ADAMTS20: variants seen among roughly 807,000 people sequenced by gnomAD.
The protein encoded by ADAMTS20 is ADAM metallopeptidase with thrombospondin type 1 motif 20.
In ADAMTS20, 225 loss-of-function variants were observed where a neutral mutation model predicts 260.1. The observed-to-expected ratio is 0.87, with a 90% confidence interval of 0.78 to 0.97. ADAMTS20 has a LOEUF of 0.97. Ranked by LOEUF, ADAMTS20 falls within the 50% of genes least tolerant of loss-of-function variation. ADAMTS20 has a pLI of 0.00. For missense variants in ADAMTS20, 2,400 were observed against 2,337.7 expected, an observed-to-expected ratio of 1.03 and a Z score of -0.55; for synonymous variants, 802 against 769.5, an observed-to-expected ratio of 1.04 and a Z score of -0.70.
intron 29 of ADAMTS20, among the ~76,000 whole-genome samples, chr12:43,398,516 A>G (rs572698476): frequency 6.6e-6 from 1 of 152,246 alleles, no homozygotes; most frequent in African/African-American, 2.4e-5. Context: ...TCGGATTACA[A>G]TCCCATCTGG....
At chr12:43,435,565 C>G (rs1941535482) in intron 18 of ADAMTS20, among the ~76,000 whole-genome samples, 1 of 147,400 alleles carries the variant, frequency 6.8e-6, no homozygotes, top group South Asian at 2.1e-4. Context: ...TGGGTGAACC[C>G]AGGAGGCAGA....
chr12:43,495,785 A>G (rs941585434), intron 4 of ADAMTS20, among the ~76,000 whole-genome samples: 1 of 152,206 alleles, frequency 6.6e-6, no homozygotes, highest in African/African-American at 2.4e-5. Flanking sequence ...TACTTCCCCC[A>G]AAGAAAGTGA....
At chr12:43,519,608 C>T (rs1943044741) in intron 3 of ADAMTS20, among the ~76,000 whole-genome samples, 1 of 152,096 alleles carries the variant, frequency 6.6e-6, no homozygotes, top group African/African-American at 2.4e-5. Context: ...TAACGTGGAG[C>T]ATGAAAAACT....
In ADAMTS20 at chr12:43,446,750, CTAAT is replaced by C. The variant is rs766149954; in HGVS notation, c.2080-42_2080-39del. The C allele has an allele frequency of 2.3e-5, 35 of 1,511,440 alleles. 2 individuals are homozygous for C. In the South Asian group the frequency reaches 3.9e-4, roughly 17 times the overall value. The allele number at this position is 1,511,440 out of a possible 1,614,324, so 93.6% of individuals were successfully genotyped here. ...ATTACAATCAATATTATAAGAATGA[CTAAT>C]TATGAAGAAAAGAGAGAAGATCCAA... On this transcript the variant is annotated intron_variant, in intron 14 of 38. Coordinates refer to ENST00000389420, the MANE Select transcript of ADAMTS20 (RefSeq NM_025003.5).
At chr12:43,484,379 A>G (rs2137418304) in intron 7 of ADAMTS20, among the ~76,000 whole-genome samples, 1 of 152,306 alleles carries the variant, frequency 6.6e-6, no homozygotes, top group Non-Finnish European at 1.5e-5. Context: ...TTGATTATTA[A>G]GTAACTCAAG....
intron 2 of ADAMTS20, among the ~76,000 whole-genome samples, chr12:43,534,220 C>A (rs938746554): frequency 3.5e-5 from 5 of 142,728 alleles, no homozygotes; most frequent in Non-Finnish European, 7.6e-5. Flanking sequence ...ATTTTCGCAA[C>A]CTACTCATCT....
chr12:43,477,366 G>A (rs1343304432), intron 7 of ADAMTS20, among the ~76,000 whole-genome samples: 2 of 152,144 alleles, frequency 1.3e-5, no homozygotes, highest in African/African-American at 2.4e-5. Flanking sequence ...AATATATTCA[G>A]TAGATTCTTA....
At chr12:43,456,563 G>A (rs1777601826) in intron 11 of ADAMTS20, among the ~76,000 whole-genome samples, 2 of 152,136 alleles carry the variant, frequency 1.3e-5, no homozygotes, top group South Asian at 4.1e-4. Flanking sequence ...GTGCTGCAAA[G>A]AAATAGCACT....
intron 29 of ADAMTS20, among the ~76,000 whole-genome samples, chr12:43,395,299 G>A (rs925629806): frequency 1.3e-5 from 2 of 151,478 alleles, no homozygotes; most frequent in African/African-American, 4.9e-5. Flanking sequence ...GGAGCTTTAG[G>A]GACTTAAAAA....
intron 3 of ADAMTS20, among the ~76,000 whole-genome samples, chr12:43,518,042 C>T (rs1943022395): frequency 1.3e-5 from 2 of 151,870 alleles, no homozygotes; most frequent in African/African-American, 2.4e-5. Context: ...ATTGATAAAT[C>T]AAGTTCTTAT....
At chr12:43,484,933 C>T (rs1303025528) in intron 7 of ADAMTS20, among the ~76,000 whole-genome samples, 1 of 151,914 alleles carries the variant, frequency 6.6e-6, no homozygotes, top group African/African-American at 2.4e-5. Context: ...TAGGAAAGAA[C>T]CTCAGGGCCA....
chr12:43,368,726 C>A (rs75697912), intron 37 of ADAMTS20, among the ~76,000 whole-genome samples: 4,653 of 151,932 alleles, frequency 0.031, 119 homozygotes, highest in Middle Eastern at 0.13. Flanking sequence ...TATGTAAAAT[C>A]TCTAGTTAAT....
chr12:43,391,368 A>T (rs1940593014), intron 29 of ADAMTS20, among the ~76,000 whole-genome samples: 1 of 152,146 alleles, frequency 6.6e-6, no homozygotes, highest in African/African-American at 2.4e-5. Flanking sequence ...AGTGAAAAAT[A>T]GTTGAAGTTC....
intron 9 of ADAMTS20, among the ~76,000 whole-genome samples, chr12:43,465,288 C>T (rs1942134503): frequency 6.6e-6 from 1 of 151,966 alleles, no homozygotes; most frequent in African/African-American, 2.4e-5. Flanking sequence ...CATTTTGGTT[C>T]CCATCAATTC....
chr12:43,355,371 T>A (rs540070565), intron 38 of ADAMTS20, among the ~76,000 whole-genome samples: 6 of 152,330 alleles, frequency 3.9e-5, no homozygotes, highest in Admixed American at 1.3e-4. Context: ...ACACCAGGCA[T>A]CAGATTTCAA....
rs190031303 is a variant in ADAMTS20 at position 43,421,500 on chromosome 12, G to T, written c.4284+4014C>A. Reference sequence around the variant, plus strand: ...TTACTTCTAAAATGAAACTTAGTGAGAAAATTTAAGTAATATGAATTTACT... The same window carrying T: ...TTACTTCTAAAATGAAACTTAGTGATAAAATTTAAGTAATATGAATTTACT... On this transcript the variant is annotated intron_variant, in intron 28 of 38. Coordinates refer to ENST00000389420, the MANE Select transcript of ADAMTS20 (RefSeq NM_025003.5). Among the ~76,000 whole-genome samples the T allele has an allele frequency of 7.5e-3, 1,145 of 152,030 alleles. 8 individuals are homozygous for T. The highest frequency in any genetic ancestry group is 0.014 in the Non-Finnish European group (923 of 67,942).
chr12:43,477,191 T>C (rs989104456), intron 7 of ADAMTS20, among the ~76,000 whole-genome samples: 1 of 152,096 alleles, frequency 6.6e-6, no homozygotes, highest in African/African-American at 2.4e-5. Flanking sequence ...GGCAGAAAGC[T>C]ATAAAACCAT....
At chr12:43,547,534 G>C (rs1447757621) in intron 2 of ADAMTS20, among the ~76,000 whole-genome samples, 1 of 152,098 alleles carries the variant, frequency 6.6e-6, no homozygotes, top group African/African-American at 2.4e-5. Flanking sequence ...CCCTCTGAAA[G>C]GGTTCCCTAC....
chr12:43,423,884 AT>A lies in ADAMTS20; in HGVS notation c.4284+1629del, dbSNP rs1171377621. 4 of 728,762 alleles carry A rather than the reference AT, an allele frequency of 5.5e-6. No homozygotes were observed. In the South Asian group the frequency reaches 5.7e-5, roughly 10 times the overall value. The allele number at this position is 728,762 out of a possible 1,614,324, so 45.1% of individuals were successfully genotyped here. On this transcript the variant is annotated intron_variant, in intron 28 of 38. Coordinates refer to ENST00000389420, the MANE Select transcript of ADAMTS20 (RefSeq NM_025003.5). Reference sequence around the variant, plus strand: ...TATGTTTTTCATTAGTTCCCACAAGATGATGGTCCTTTGAGGCAGCAATTTC... The same window carrying A: ...TATGTTTTTCATTAGTTCCCACAAGAGATGGTCCTTTGAGGCAGCAATTTC...
Sources: allele counts gnomAD v4.1 joint callset (sites outside exome capture counted in the v4.1 genomes callset), GRCh38; gene constraint gnomAD v4.1.1; transcripts MANE v1.5; gene names NCBI Gene and HGNC (gene_info 2026-07-23, HGNC 2026-07-21).